Variants in STAG2 observed in about 807,000 individuals in gnomAD.
The protein encoded by STAG2 is cohesin subunit SA-2.
STAG2 carries 14 observed loss-of-function variants against 108.1 expected under a neutral mutation model. That is an observed-to-expected ratio of 0.13 (90% CI 0.09 to 0.20). STAG2 has a LOEUF of 0.20. Ranked by LOEUF, STAG2 falls within the 10% of genes least tolerant of loss-of-function variation. The pLI is 1.00. For missense variants in STAG2, 440 were observed against 940.9 expected, an observed-to-expected ratio of 0.47 and a Z score of 6.96; for synonymous variants, 307 against 302.7, an observed-to-expected ratio of 1.01 and a Z score of -0.15.
At chrX:124,036,879 T>C (rs1463722320) in intron 5 of STAG2, among the ~76,000 whole-genome samples, 1 of 111,121 alleles carries the variant, frequency 9.0e-6, no homozygotes, top group Non-Finnish European at 1.9e-5. Context: ...GAATATTTTA[T>C]TTATTTTTAT....
At chrX:124,075,418 C>T (rs1450319020) in intron 25 of STAG2, among the ~76,000 whole-genome samples, 1 of 110,765 alleles carries the variant, frequency 9.0e-6, no homozygotes, top group African/African-American at 3.3e-5. Context: ...GGAGTATAGG[C>T]GCGTGCTACC....
chrX:124,045,777 T>C (rs750585232), intron 8 of STAG2, among the ~76,000 whole-genome samples: 3 of 111,088 alleles, frequency 2.7e-5, no homozygotes, highest in South Asian at 3.8e-4. Flanking sequence ...TTGAAAGATA[T>C]GTTACCAGGG....
At chrX:123,994,622 T>A (rs2055638423) in intron 1 of STAG2, among the ~76,000 whole-genome samples, 1 of 112,056 alleles carries the variant, frequency 8.9e-6, no homozygotes, top group Non-Finnish European at 1.9e-5. Flanking sequence ...TGTGATAGTT[T>A]TAGATAGTTC....
At chrX:124,088,054 T>C (rs1179791304) in intron 30 of STAG2, among the ~76,000 whole-genome samples, 4 of 112,189 alleles carry the variant, frequency 3.6e-5, no homozygotes, top group Non-Finnish European at 7.5e-5. Context: ...TTCTGTTTTT[T>C]AAAAACAAAA....
intron 29 of STAG2, among the ~76,000 whole-genome samples, chrX:124,084,396 GCAAACT>G (rs2059044379): frequency 1.2e-5 from 1 of 83,407 alleles, no homozygotes; most frequent in Non-Finnish European, 2.7e-5. Context: ...TCGGCCCACT[GCAAACT>G]CTGCCTCCTG....
At position 124,036,871 on chromosome X, in the gene STAG2, A is replaced by G. The variant is rs186904812; in HGVS notation, c.289-656A>G. 8.1e-5 allele frequency among the ~76,000 whole-genome samples: 9 copies of G among 111,076 alleles called. No homozygotes were observed. In the East Asian group the frequency reaches 2.2e-3, roughly 27 times the overall value. On this transcript the variant is annotated intron_variant, in intron 5 of 34. Transcript: ENST00000371145. ...GCCACCATTACAATATAATTTTAGA[A>G]TATTTTATTTATTTTTATTATTTTT...
At chrX:123,997,691 G>C (rs866708380) in intron 1 of STAG2, among the ~76,000 whole-genome samples, 2 of 112,747 alleles carry the variant, frequency 1.8e-5, no homozygotes, top group African/African-American at 6.4e-5. Flanking sequence ...AGGCGGGAGT[G>C]CATTGGCACG....
intron 5 of STAG2, among the ~76,000 whole-genome samples, chrX:124,033,828 C>A (rs1445656108): frequency 8.9e-5 from 10 of 112,149 alleles, no homozygotes; most frequent in Non-Finnish European, 1.3e-4. Context: ...AAATTTATTT[C>A]TTACAGTTTT....
intron 25 of STAG2, among the ~76,000 whole-genome samples, chrX:124,073,336 A>G (rs1227020480): frequency 1.8e-5 from 2 of 111,409 alleles, no homozygotes; most frequent in African/African-American, 6.5e-5. Flanking sequence ...GTTGAATTAG[A>G]GTAAGCTTGC....
chrX:124,076,278 A>G, intron 25 of STAG2, 54 bp from the exon 26 acceptor site: 2 of 1,142,120 alleles, frequency 1.8e-6, no homozygotes, highest in Non-Finnish European at 2.4e-6. Flanking sequence ...ATTAAAAAAA[A>G]TACATGGTTG....
intron 1 of STAG2, among the ~76,000 whole-genome samples, chrX:123,997,127 C>T (rs895542523): frequency 1.8e-5 from 2 of 111,727 alleles, no homozygotes; most frequent in African/African-American, 3.3e-5. Context: ...ACTGTCTTAC[C>T]GTAGCTTTAT....
chrX:124,048,418 A>G (rs1197590261), intron 9 of STAG2, among the ~76,000 whole-genome samples: 2 of 111,626 alleles, frequency 1.8e-5, no homozygotes, highest in Non-Finnish European at 3.8e-5. Flanking sequence ...GTAGTAGCAA[A>G]CTACATTACA....
At chrX:124,009,434 GGT>G (rs1569501937) in intron 1 of STAG2, among the ~76,000 whole-genome samples, 2,368 of 84,846 alleles carry the variant, frequency 0.028, 61 homozygotes, top group African/African-American at 0.065. Flanking sequence ...TAGGTAGGTA[GGT>G]AGGTAGGTAG....
intron 22 of STAG2, 23 bp from the exon 23 acceptor site, chrX:124,066,333 G>A (rs199600443): frequency 5.0e-6 from 6 of 1,191,270 alleles, no homozygotes; most frequent in Non-Finnish European, 6.8e-6. Flanking sequence ...AATTTTAACT[G>A]TATCCTTTGA....
intron 13 of STAG2, among the ~76,000 whole-genome samples, chrX:124,055,314 C>T (rs928835551): frequency 8.9e-6 from 1 of 112,061 alleles, no homozygotes; most frequent in African/African-American, 3.2e-5. Flanking sequence ...CTTTTTTCCT[C>T]TGGCAGTGGT....
intron 25 of STAG2, among the ~76,000 whole-genome samples, chrX:124,075,677 G>T (rs960334755): frequency 8.1e-5 from 9 of 110,851 alleles, no homozygotes; most frequent in African/African-American, 3.0e-4. Flanking sequence ...AATATAAAAA[G>T]CTTCATCTAG....
intron 1 of STAG2, among the ~76,000 whole-genome samples, chrX:123,972,864 T>TA (rs2054426331): frequency 1.3e-4 from 1 of 7,926 alleles, no homozygotes; most frequent in Non-Finnish European, 2.4e-4. Context: ...CTACCAAAAA[T>TA]ACAAAAAAAA....
At chrX:123,999,615 TTTTG>T (rs1258917318) in intron 1 of STAG2, among the ~76,000 whole-genome samples, 1 of 110,915 alleles carries the variant, frequency 9.0e-6, no homozygotes, top group Admixed American at 9.7e-5. Flanking sequence ...TGCCTAATTT[TTTTG>T]TTTGTTTGTT....
At position 123,995,073 on chromosome X, in the gene STAG2, A is replaced by G. The variant is rs780505167; in HGVS notation, c.-162-26294A>G. ...GAGACATAAAATGTGCCGATTACAA[A>G]AAATGTGTAGAGGGGCCGGTAGGTC... On this transcript the variant is annotated intron_variant, in intron 1 of 34. Coordinates refer to ENST00000371145, the MANE Select transcript of STAG2 (RefSeq NM_001042750.2). 3.6e-5 allele frequency among the ~76,000 whole-genome samples: 4 copies of G among 112,110 alleles called. No individual in the cohort carries two copies. The South Asian group carries it at 1.5e-3, about 41-fold the overall frequency.
Sources: allele counts gnomAD v4.1 joint callset (sites outside exome capture counted in the v4.1 genomes callset), GRCh38; gene constraint gnomAD v4.1.1; transcripts MANE v1.5; gene names NCBI Gene and HGNC (gene_info 2026-07-23, HGNC 2026-07-21).